The following TBC1D32 variants were observed in gnomAD, a reference collection of about 807,000 sequenced individuals.
TBC1D32 encodes TBC1 domain family member 32.
A neutral mutation model predicts 170.3 loss-of-function variants in TBC1D32; 151 were observed. The observed-to-expected ratio is 0.89, with a 90% CI of 0.78 to 1.01. TBC1D32 has a LOEUF of 1.01. Ranked by LOEUF, TBC1D32 falls within the 50% of genes least tolerant of loss-of-function variation. TBC1D32 has a pLI of 0.00. For synonymous variants in TBC1D32, 498 were observed against 488.0 expected (o/e 1.02, Z -0.27); for missense variants, 1,464 against 1,457.1 (o/e 1.00, Z -0.08).
intron 19 of TBC1D32, among the ~76,000 whole-genome samples, chr6:121,240,367 T>C (rs1796807977): frequency 7.1e-6 from 1 of 140,736 alleles, no homozygotes; most frequent in Admixed American, 7.1e-5. Flanking sequence ...ATTTTTTTTT[T>C]TTTTTTTTTT....
chr6:121,233,563 CT>C (rs1378734646), intron 20 of TBC1D32, among the ~76,000 whole-genome samples: 1 of 152,092 alleles, frequency 6.6e-6, no homozygotes, highest in Non-Finnish European at 1.5e-5. Context: ...CACGGAATAT[CT>C]TTTTCCACCC....
chr6:121,152,175 G>A (rs1235757795), intron 24 of TBC1D32, among the ~76,000 whole-genome samples: 2 of 152,120 alleles, frequency 1.3e-5, no homozygotes, highest in African/African-American at 2.4e-5. Context: ...CTTTCTTCAG[G>A]AGCTCTTGTA....
chr6:121,266,760 A>G (rs1036236402), intron 15 of TBC1D32, among the ~76,000 whole-genome samples: 1 of 152,134 alleles, frequency 6.6e-6, no homozygotes, highest in Non-Finnish European at 1.5e-5. Context: ...TGTCCTTTGC[A>G]GGCAGATGGA....
intron 12 of TBC1D32, among the ~76,000 whole-genome samples, chr6:121,290,608 G>T (rs1047996769): frequency 2.0e-5 from 3 of 152,104 alleles, no homozygotes; most frequent in African/African-American, 4.8e-5. Flanking sequence ...CTCAGGGATC[G>T]TGAACTAGAA....
At chr6:121,156,536 ATTAT>A (rs2128239745) in intron 24 of TBC1D32, among the ~76,000 whole-genome samples, 1 of 151,104 alleles carries the variant, frequency 6.6e-6, no homozygotes, top group African/African-American at 2.4e-5. Context: ...TTTGATTTTA[ATTAT>A]TTATTTTCTT....
chr6:121,183,387 T>G (rs924157848), intron 22 of TBC1D32, among the ~76,000 whole-genome samples: 1 of 152,124 alleles, frequency 6.6e-6, no homozygotes, highest in South Asian at 2.1e-4. Context: ...AACAGTTTGT[T>G]TGCTTGCAGC....
At chr6:121,193,712 G>T (rs1334470939) in intron 22 of TBC1D32, among the ~76,000 whole-genome samples, 1 of 152,198 alleles carries the variant, frequency 6.6e-6, no homozygotes, top group Non-Finnish European at 1.5e-5. Context: ...TAATCACAGT[G>T]TTTTCAGAAG....
At chr6:121,096,273 G>A (rs961085272) in intron 30 of TBC1D32, 37 of 151,260 alleles carry the variant, frequency 2.4e-4, no homozygotes, top group African/African-American at 8.0e-4. Flanking sequence ...GGGATCAATG[G>A]TGATACTGTA....
intron 31 of TBC1D32, among the ~76,000 whole-genome samples, chr6:121,082,871 G>A (rs1453566891): frequency 7.2e-5 from 11 of 151,798 alleles, no homozygotes; most frequent in Admixed American, 2.6e-4. Context: ...GGCTATTAAC[G>A]TCTTATTTCA....
intron 25 of TBC1D32, 53 bp from the exon 26 acceptor site, chr6:121,126,514 C>G: frequency 7.7e-7 from 1 of 1,297,414 alleles, no homozygotes. Flanking sequence ...TAATATGTGA[C>G]AATGCATCCT....
At position 121,089,319 on chromosome 6, in the gene TBC1D32, G is replaced by A. The variant is rs536530538; in HGVS notation, c.3654+1534C>T. Among the ~76,000 whole-genome samples the A allele has an allele frequency of 3.3e-5, 5 of 152,054 alleles. No individual in the cohort carries two copies. In the South Asian group the frequency reaches 8.3e-4, roughly 25 times the overall value. ...ACAAAAACACATATAAAATAATTTC[G>A]GATGGTGATAAAAACTGTGAGAAAA... On this transcript the variant is annotated intron_variant, in intron 31 of 31. Coordinates refer to ENST00000398212, the MANE Select transcript of TBC1D32 (RefSeq NM_152730.6).
intron 24 of TBC1D32, among the ~76,000 whole-genome samples, chr6:121,156,257 G>T (rs921900902): frequency 6.6e-6 from 1 of 151,666 alleles, no homozygotes; most frequent in African/African-American, 2.4e-5. Context: ...CATGTTTTCA[G>T]GAACTTATCA....
intron 21 of TBC1D32, among the ~76,000 whole-genome samples, chr6:121,221,151 C>G (rs1794473811): frequency 6.6e-6 from 1 of 152,094 alleles, no homozygotes; most frequent in Non-Finnish European, 1.5e-5. Context: ...GAAAATTATG[C>G]TAAATCTACT....
At chr6:121,187,623 C>G (rs1789370793) in intron 22 of TBC1D32, among the ~76,000 whole-genome samples, 3 of 151,902 alleles carry the variant, frequency 2.0e-5, no homozygotes, top group Admixed American at 1.3e-4. Context: ...GAAAGTGGCT[C>G]CATGAAAACA....
At chr6:121,186,112 C>A (rs2128280121) in intron 22 of TBC1D32, among the ~76,000 whole-genome samples, 1 of 152,260 alleles carries the variant, frequency 6.6e-6, no homozygotes, top group East Asian at 1.9e-4. Flanking sequence ...GTTTAGAGAT[C>A]TTATTCCAAA....
At chr6:121,191,223 T>C (rs1182919301) in intron 22 of TBC1D32, among the ~76,000 whole-genome samples, 1 of 152,190 alleles carries the variant, frequency 6.6e-6, no homozygotes, top group East Asian at 1.9e-4. Flanking sequence ...TGCACACATA[T>C]GTATCTTACT....
At chr6:121,328,352 C>G (rs1020422172) in intron 1 of TBC1D32, among the ~76,000 whole-genome samples, 26 of 152,016 alleles carry the variant, frequency 1.7e-4, no homozygotes, top group African/African-American at 5.8e-4. Context: ...GTGACGCGAT[C>G]TCGGCTCTCT....
chr6:121,248,964 C>T (rs1248595902), intron 17 of TBC1D32, among the ~76,000 whole-genome samples: 4 of 151,782 alleles, frequency 2.6e-5, no homozygotes, highest in South Asian at 2.1e-4. Flanking sequence ...GTCAGTATCA[C>T]CCTAATACCA....
intron 15 of TBC1D32, among the ~76,000 whole-genome samples, chr6:121,270,727 T>A (rs1029473688): frequency 8.6e-5 from 13 of 152,036 alleles, no homozygotes; most frequent in Admixed American, 6.6e-4. Context: ...TTCCAATCAA[T>A]AGAAAAAGAG....
Sources: allele counts gnomAD v4.1 joint callset (sites outside exome capture counted in the v4.1 genomes callset), GRCh38; gene constraint gnomAD v4.1.1; transcripts MANE v1.5; gene names NCBI Gene and HGNC (gene_info 2026-07-23, HGNC 2026-07-21).